Variants in CRTC3 observed in about 807,000 individuals in gnomAD.
The protein encoded by CRTC3 is CREB-regulated transcription coactivator 3.
CRTC3 carries 26 observed loss-of-function variants against 74.5 expected under a neutral mutation model. That is an observed-to-expected ratio of 0.35 (90% CI 0.26 to 0.48). The LOEUF is 0.48. CRTC3 is among the 20% of genes least tolerant of loss of function. The pLI is 0.99. For synonymous variants in CRTC3, 377 were observed against 325.8 expected (o/e 1.16, Z -1.69); for missense variants, 760 against 787.3 (o/e 0.97, Z 0.41).
At chr15:90,593,857 A>G in intron 3 of CRTC3, 102 bp downstream of exon 3, 1 of 1,233,906 alleles carries the variant, frequency 8.1e-7, no homozygotes, top group Non-Finnish European at 1.1e-6. Flanking sequence ...CAGAATCTTC[A>G]TTTATCTGAT....
chr15:90,573,012 T>C (rs1967312819), intron 2 of CRTC3, among the ~76,000 whole-genome samples: 1 of 152,200 alleles, frequency 6.6e-6, no homozygotes, highest in African/African-American at 2.4e-5. Flanking sequence ...CTCCAGAACT[T>C]TTTCATCTTG....
chr15:90,557,681 G>A (rs554199746), intron 2 of CRTC3, among the ~76,000 whole-genome samples: 4 of 152,218 alleles, frequency 2.6e-5, no homozygotes, highest in African/African-American at 9.6e-5. Flanking sequence ...CTTTTCCCCT[G>A]GGTCTCCTGG....
At chr15:90,564,411 G>A (rs1260625944) in intron 2 of CRTC3, among the ~76,000 whole-genome samples, 1 of 152,174 alleles carries the variant, frequency 6.6e-6, no homozygotes, top group Non-Finnish European at 1.5e-5. Flanking sequence ...AGAAAAAAGT[G>A]TGCAAATAGT....
At chr15:90,613,642 C>T (rs753872830) in intron 6 of CRTC3, 1 of 152,056 alleles carries the variant, frequency 6.6e-6, no homozygotes, top group East Asian at 1.9e-4. Flanking sequence ...TATAGGTTAA[C>T]CTTAGCCAAA....
chr15:90,644,318 C>T lies in CRTC3; in HGVS notation c.*2178C>T, dbSNP rs1389862918. The T allele has an allele frequency of 1.3e-5, 3 of 230,200 alleles. No homozygotes were observed. The East Asian group carries it at 1.8e-4, about 14-fold the overall frequency. 14.3% of individuals were successfully genotyped at this position (230,200 alleles called of 1,614,324 possible). On this transcript the variant is annotated 3_prime_UTR_variant, in exon 15 of 15. Coordinates refer to ENST00000268184, the MANE Select transcript of CRTC3 (RefSeq NM_022769.5). ...GTGTCAAAGGGCTTCCAAACCTGAT[C>T]TCACTCTCAACAGGCGATGGTGCTG...
At chr15:90,550,722 G>C (rs1032115305) in intron 2 of CRTC3, among the ~76,000 whole-genome samples, 19 of 151,652 alleles carry the variant, frequency 1.3e-4, no homozygotes, top group African/African-American at 3.9e-4. Flanking sequence ...GTAATATAAA[G>C]TAGCATATAG....
intron 11 of CRTC3, among the ~76,000 whole-genome samples, chr15:90,633,181 T>G (rs1969105263): frequency 6.6e-6 from 1 of 152,216 alleles, no homozygotes; most frequent in Admixed American, 6.5e-5. Context: ...AATGAGAATT[T>G]TTTTTCCTCT....
intron 11 of CRTC3, chr15:90,635,013 C>T: frequency 8.1e-7 from 1 of 1,241,022 alleles, no homozygotes; most frequent in Non-Finnish European, 1.2e-6. Context: ...TGGTGACATT[C>T]TTGGAAAGTA....
rs1966597394 is a variant in CRTC3, at chr15:90,530,029, C to T, written c.-43C>T. The T allele has an allele frequency of 7.3e-7, 1 of 1,362,686 alleles. No homozygotes were observed. Among genetic ancestry groups the T allele is most frequent in the South Asian group, 1.3e-5 (1 of 75,462 alleles). 84.4% of individuals were successfully genotyped at this position (1,362,686 alleles called of 1,614,324 possible). ...GACGGGTGGGCCGAGGTACAGGCCCCACGGCCGCCGTCTCCCGCTTCTGCC... is the reference window on the plus strand; with the variant it reads ...GACGGGTGGGCCGAGGTACAGGCCCTACGGCCGCCGTCTCCCGCTTCTGCC... On this transcript the variant is annotated 5_prime_UTR_variant, in exon 1 of 15. Coordinates refer to ENST00000268184, the MANE Select transcript of CRTC3 (RefSeq NM_022769.5). This position sits in a 1 kb window ranked among gnomAD's most constrained non-coding sequence, Gnocchi z 6.2.
chr15:90,549,637 C>A lies in CRTC3; in HGVS notation c.231+9500C>A, dbSNP rs1407255015. ...TGAAAATCTGAGGAATGCCTTGGAT[C>A]CCTCCTGAGGAAAATATGTAAATAT... On this transcript the variant is annotated intron_variant, in intron 2 of 14. Coordinates refer to ENST00000268184, the MANE Select transcript of CRTC3 (RefSeq NM_022769.5). Among the ~76,000 whole-genome samples, 4 of 151,906 alleles carry A rather than the reference C, an allele frequency of 2.6e-5. No individual in the cohort carries two copies. The East Asian group carries it at 7.7e-4, about 29-fold the overall frequency.
At position 90,530,336 on chromosome 15, in the gene CRTC3, G is replaced by A. The variant is rs1966605254; in HGVS notation, c.132+133G>A. The A allele has an allele frequency of 2.4e-5, 10 of 418,336 alleles. No individual in the cohort carries two copies. The highest frequency in any genetic ancestry group is 3.2e-5 in the Non-Finnish European group (10 of 311,538). 25.9% of individuals were successfully genotyped at this position (418,336 alleles called of 1,614,324 possible). A position where few individuals can be genotyped will look rare whatever the true frequency, so the allele number is the denominator to read the frequency against. On this transcript the variant is annotated intron_variant, in intron 1 of 14. Transcript: ENST00000268184. This position sits in a 1 kb window ranked among gnomAD's most constrained non-coding sequence, Gnocchi z 6.2. ...CGCGCCCGGGAACCGGCGGCTGGGA[G>A]GGGGACCGGAGCGGCCGCGGCCTCG...
chr15:90,631,183 C>T (rs16944683), intron 11 of CRTC3, among the ~76,000 whole-genome samples: 45 of 151,972 alleles, frequency 3.0e-4, no homozygotes, highest in African/African-American at 1.0e-3. Flanking sequence ...ATTGGTCACT[C>T]TTTACCAATT....
At chr15:90,616,262 G>T (rs1968492702) in intron 7 of CRTC3, among the ~76,000 whole-genome samples, 3 of 152,124 alleles carry the variant, frequency 2.0e-5, no homozygotes, top group Non-Finnish European at 4.4e-5. Flanking sequence ...CTGCTGCCCT[G>T]GTGGTACTGG....
chr15:90,637,563 G>T (rs1969286275), intron 11 of CRTC3, among the ~76,000 whole-genome samples: 1 of 152,044 alleles, frequency 6.6e-6, no homozygotes, highest in South Asian at 2.1e-4. Flanking sequence ...AAATATTAAA[G>T]AAAAAGAAAT....
intron 2 of CRTC3, 33 bp downstream of exon 2, chr15:90,540,170 A>G (rs1349874142): frequency 8.0e-6 from 11 of 1,382,070 alleles, no homozygotes; most frequent in Non-Finnish European, 1.0e-5. Flanking sequence ...TTGAAGCTGA[A>G]TGGAGTGTAA....
At chr15:90,584,291 G>T (rs1967609318) in intron 2 of CRTC3, among the ~76,000 whole-genome samples, 1 of 148,224 alleles carries the variant, frequency 6.7e-6, no homozygotes, top group Non-Finnish European at 1.5e-5. Flanking sequence ...AGGCTGGAGT[G>T]CAGTGGCACG....
intron 2 of CRTC3, among the ~76,000 whole-genome samples, chr15:90,545,744 T>G (rs1389369931): frequency 2.8e-5 from 1 of 35,246 alleles, no homozygotes; most frequent in South Asian, 1.5e-3. Context: ...GCCCGGGTAA[T>G]TTTTTTTGTA....
intron 9 of CRTC3, among the ~76,000 whole-genome samples, chr15:90,620,473 C>T (rs1968613672): frequency 6.6e-6 from 1 of 152,062 alleles, no homozygotes; most frequent in Non-Finnish European, 1.5e-5. Context: ...AAAGGAAGTT[C>T]ATGAGGAAGT....
intron 1 of CRTC3, among the ~76,000 whole-genome samples, chr15:90,537,641 C>T (rs1966741827): frequency 6.6e-6 from 1 of 152,134 alleles, no homozygotes; most frequent in South Asian, 2.1e-4. Context: ...GCCTCGGCCT[C>T]CCAAAGTTCT....
Sources: allele counts gnomAD v4.1 joint callset (sites outside exome capture counted in the v4.1 genomes callset), GRCh38; gene constraint gnomAD v4.1.1; non-coding constraint Gnocchi (gnomAD v3.1); transcripts MANE v1.5; gene names NCBI Gene and HGNC (gene_info 2026-07-23, HGNC 2026-07-21).